The following MCM3AP variants were observed in gnomAD, a reference collection of about 807,000 sequenced individuals.
MCM3AP encodes the protein minichromosome maintenance complex component 3 associated protein.
MCM3AP carries 126 observed loss-of-function variants against 184.1 expected under a neutral mutation model. The observed-to-expected ratio is 0.68, with a 90% CI of 0.59 to 0.79. MCM3AP has a LOEUF of 0.79. Ranked by LOEUF, MCM3AP falls within the 30% of genes least tolerant of loss-of-function variation. The pLI, the probability that MCM3AP is intolerant of heterozygous loss-of-function variation, is 0.00. For missense variants in MCM3AP, 2,496 were observed against 2,479.2 expected, an observed-to-expected ratio of 1.01 and a Z score of -0.14; for synonymous variants, 1,002 against 979.3, an observed-to-expected ratio of 1.02 and a Z score of -0.43.
intron 20 of MCM3AP, among the ~76,000 whole-genome samples, chr21:46,248,246 C>G (rs986761975): frequency 6.6e-6 from 1 of 152,108 alleles, no homozygotes; most frequent in Non-Finnish European, 1.5e-5. Context: ...CAAAACCAGT[C>G]CCCCTGGGCC....
chr21:46,280,481 A>G lies in MCM3AP; in HGVS notation c.1522+16T>C, dbSNP rs2145716893. 1 of 1,555,594 alleles carries G rather than the reference A, an allele frequency of 6.4e-7. No individual in the cohort carries two copies. Among genetic ancestry groups the G allele is most frequent in the Non-Finnish European group, 8.8e-7 (1 of 1,136,170 alleles). ...ATAATTTTTTTAAAAAGTGAAAAGA[A>G]TAATTGAAAACTCACTTATTTTCTT... is the stretch of plus-strand genomic sequence containing the variant. On this transcript the variant is annotated intron_variant, in intron 3 of 27. Coordinates refer to ENST00000291688, the MANE Select transcript of MCM3AP (RefSeq NM_003906.5).
chr21:46,267,167 CA>C, intron 9 of MCM3AP, 25 bp from the exon 10 acceptor site: 1 of 1,606,294 alleles, frequency 6.2e-7, no homozygotes, highest in Non-Finnish European at 8.5e-7. Context: ...GAAATCACTG[CA>C]GTCTCAGACG....
At position 46,284,775 on chromosome 21, in the gene MCM3AP, A is replaced by G. The variant is rs2081384039; in HGVS notation, c.512T>C (p.Ile171Thr). ...ESEPEKTQSQ[I>T]ASGFFTFSHP... ...GGAAAATGTAAAAAACCCAGAAGCA[A>G]TTTGGCTCTGGGTTTTCTCTGGCTC... is the stretch of plus-strand genomic sequence containing the variant. The change falls in exon 1 of 28, where the codon ATT becomes ACT. Residue 171 changes from isoleucine to threonine, a missense_variant. Coordinates refer to ENST00000291688, the MANE Select transcript of MCM3AP (RefSeq NM_003906.5). 3.1e-6 allele frequency: 5 copies of G among 1,613,574 alleles called. No homozygotes were observed. Among genetic ancestry groups the G allele is most frequent in the South Asian group, 1.1e-5 (1 of 91,060 alleles).
At chr21:46,245,432 G>A (rs976638837) in intron 22 of MCM3AP, among the ~76,000 whole-genome samples, 1 of 152,134 alleles carries the variant, frequency 6.6e-6, no homozygotes, top group Non-Finnish European at 1.5e-5. Flanking sequence ...CACCTGGCCT[G>A]AGGAGGAGTG....
chr21:46,264,182 C>G lies in MCM3AP; in HGVS notation c.3270G>C (p.Glu1090Asp). 1 of 1,613,744 alleles carries G rather than the reference C, an allele frequency of 6.2e-7. No individual in the cohort carries two copies. Among genetic ancestry groups the G allele is most frequent in the South Asian group, 1.1e-5 (1 of 91,054 alleles). Residue 1090 changes from glutamate (E) to aspartate (D), a missense_variant, in exon 13 of 28, where the codon GAG becomes GAC. Transcript: ENST00000291688. ...LAQVVDELIQ[E>D]ALQRDCEEVG... is the part of the protein sequence containing the mutation. Reference sequence around the variant, plus strand: ...CTTCCTCACAGTCCCTCTGCAGGGCCTCCTGGATGAGCTCGTCCACCACCT... The same window carrying G: ...CTTCCTCACAGTCCCTCTGCAGGGCGTCCTGGATGAGCTCGTCCACCACCT...
intron 18 of MCM3AP, 107 bp downstream of exon 18, chr21:46,254,661 GTCTGGAGC>G: frequency 7.1e-7 from 1 of 1,417,464 alleles, no homozygotes; most frequent in South Asian, 1.2e-5. Flanking sequence ...TAGAAACCAA[GTCTGGAGC>G]TCATCGAAGA....
intron 16 of MCM3AP, 80 bp downstream of exon 16, chr21:46,258,859 T>TG: frequency 6.8e-7 from 1 of 1,477,198 alleles, no homozygotes; most frequent in Non-Finnish European, 9.4e-7. Flanking sequence ...ATACAGAAAC[T>TG]AATAGCTCAT....
chr21:46,256,571 A>T, intron 17 of MCM3AP: 1 of 590,700 alleles, frequency 1.7e-6, no homozygotes, highest in South Asian at 2.2e-5. Context: ...GTGAACTCAG[A>T]GCTCTGCTTT....
Position 46,267,065 on chromosome 21 carries a change from A to G in MCM3AP, c.2706T>C (p.Asp902=), listed in dbSNP as rs2145682133. ...TGAACAGCAGCATGCGCACCACACC[A>G]TCCAGGGGAAAGATGGTAGATCGCT... ...STQRSTIFPL[D]GVVRMLLFRD... is the part of the protein sequence containing the mutation. Residue 902 remains aspartate, a synonymous_variant, in exon 10 of 28, where the codon GAT becomes GAC. Coordinates refer to ENST00000291688, the MANE Select transcript of MCM3AP (RefSeq NM_003906.5). 2 of 1,614,150 alleles carry G rather than the reference A, an allele frequency of 1.2e-6. No homozygotes were observed. Among genetic ancestry groups the G allele is most frequent in the African/African-American group, 1.3e-5 (1 of 75,040 alleles).
Position 46,278,800 on chromosome 21 carries a change from A to T in MCM3AP, c.1668-1083T>A, listed in dbSNP as rs372485037. ...GCAGTTCTCCTGCCTCAGCCTCACA[A>T]GTAGCTGGGACTACAGGCACCTGCC... On this transcript the variant is annotated intron_variant, in intron 4 of 27. Transcript: ENST00000291688. Among the ~76,000 whole-genome samples the T allele has an allele frequency of 1.9e-3, 294 of 152,048 alleles. 1 individual carries two copies. The highest frequency in any genetic ancestry group is 6.6e-3 in the African/African-American group (274 of 41,518).
At position 46,235,337 on chromosome 21, in the gene MCM3AP, C is replaced by A; in HGVS notation, c.5874G>T (p.Arg1958=). 2 of 1,614,194 alleles carry A rather than the reference C, an allele frequency of 1.2e-6. No individual in the cohort carries two copies. The highest frequency in any genetic ancestry group is 1.7e-6 in the Non-Finnish European group (2 of 1,180,022). The change falls in exon 28 of 28, where the codon CGG becomes CGT. Residue 1958 remains arginine, a synonymous_variant. Transcript: ENST00000291688. ...AGGCAACTTCCTCTTCCCTTGAACT[C>A]CGGATCAGCCTTTCCAGGTGCTTTA... ...ERLKHLERLI[R]SSREEEVASE...
At chr21:46,282,958 C>T (rs1177917547) in intron 2 of MCM3AP, among the ~76,000 whole-genome samples, 1 of 151,768 alleles carries the variant, frequency 6.6e-6, no homozygotes, top group Non-Finnish European at 1.5e-5. Flanking sequence ...CGGAGTCTGG[C>T]TCTGTCTCCC....
Position 46,278,285 on chromosome 21 carries a change from CAT to C in MCM3AP, c.1668-570_1668-569del, listed in dbSNP as rs1601543210. 2.0e-5 allele frequency among the ~76,000 whole-genome samples: 3 copies of C among 152,106 alleles called. No homozygotes were observed. In the East Asian group the frequency reaches 5.8e-4, roughly 29 times the overall value. On this transcript the variant is annotated intron_variant, in intron 4 of 27. Coordinates refer to ENST00000291688, the MANE Select transcript of MCM3AP (RefSeq NM_003906.5). ...ATATCATAAGGAAATATTAAGCCTACATGTTTTAAAACAGAAATTATTTTGGT... is the reference window on the plus strand; with the variant it reads ...ATATCATAAGGAAATATTAAGCCTACGTTTTAAAACAGAAATTATTTTGGT...
In MCM3AP at chr21:46,243,527, A is replaced by T. The variant is rs745337329; in HGVS notation, c.5234T>A (p.Ile1745Asn). 1 of 1,614,226 alleles carries T rather than the reference A, an allele frequency of 6.2e-7. No individual in the cohort carries two copies. Among genetic ancestry groups the T allele is most frequent in the East Asian group, 2.2e-5 (1 of 44,878 alleles). Residue 1745 changes from isoleucine (I) to asparagine (N), a missense_variant, in exon 24 of 28, where the codon ATC (isoleucine) becomes AAC (asparagine). Around this residue, in one of 5 missense-constraint regions of MCM3AP, gnomAD observed 1,323 missense variants for 1,273.4 expected, o/e 1.04. Coordinates refer to ENST00000291688, the MANE Select transcript of MCM3AP (RefSeq NM_003906.5). ...CAGCTTGTGGTTGATACACAAGGCGATAAGATCATCCCATGGGATCTCCAT... is the reference window on the plus strand; with the variant it reads ...CAGCTTGTGGTTGATACACAAGGCGTTAAGATCATCCCATGGGATCTCCAT... ...SVMEIPWDDL[I>N]ALCINHKLRD...
chr21:46,237,058 T>C (rs2080545867), intron 26 of MCM3AP, 79 bp from the exon 27 acceptor site: 2 of 719,490 alleles, frequency 2.8e-6, no homozygotes, highest in Non-Finnish European at 4.0e-6. Flanking sequence ...CTATATATAC[T>C]TAAAAACTTT....
chr21:46,276,776 T>C (rs2081261979), intron 5 of MCM3AP, among the ~76,000 whole-genome samples: 1 of 149,652 alleles, frequency 6.7e-6, no homozygotes, highest in African/African-American at 2.5e-5. Flanking sequence ...CTCACCCTGT[T>C]GTCCAGGCTG....
chr21:46,280,358 G>A, intron 3 of MCM3AP, 139 bp downstream of exon 3: 1 of 824,772 alleles, frequency 1.2e-6, no homozygotes, highest in South Asian at 1.8e-5. Context: ...AAGAGCATGA[G>A]AAACTGAAAA....
intron 4 of MCM3AP, among the ~76,000 whole-genome samples, chr21:46,278,965 C>T (rs1179964533): frequency 6.7e-6 from 1 of 149,694 alleles, no homozygotes; most frequent in Non-Finnish European, 1.5e-5. Context: ...GAGCACTGCG[C>T]CCGGCCAGGA....
At chr21:46,258,645 T>C (rs1408124881) in intron 16 of MCM3AP, among the ~76,000 whole-genome samples, 1 of 152,140 alleles carries the variant, frequency 6.6e-6, no homozygotes, top group Non-Finnish European at 1.5e-5. Context: ...CCTAGTGCAG[T>C]GGGCAAATGG....
Sources: allele counts gnomAD v4.1 joint callset (sites outside exome capture counted in the v4.1 genomes callset), GRCh38; gene constraint gnomAD v4.1.1; regional missense constraint gnomAD v4.1.1; transcripts MANE v1.5; gene names NCBI Gene and HGNC (gene_info 2026-07-23, HGNC 2026-07-21).